Variants in RBPJ observed in about 807,000 individuals in gnomAD.
The protein encoded by RBPJ is recombination signal binding protein for immunoglobulin kappa J region.
A neutral mutation model predicts 67.8 loss-of-function variants in RBPJ; 9 were observed. That is an observed-to-expected ratio of 0.13 (90% CI 0.08 to 0.23). The LOEUF (loss-of-function observed/expected upper bound fraction) is 0.23. Among genes scored for constraint, RBPJ ranks in the 10% least tolerant of loss-of-function variants. The pLI is 1.00. For synonymous variants in RBPJ, 198 were observed against 203.3 expected, an observed-to-expected ratio of 0.97 and a Z score of 0.22; for missense variants, 305 against 595.6, an observed-to-expected ratio of 0.51 and a Z score of 5.08.
intron 1 of RBPJ, among the ~76,000 whole-genome samples, chr4:26,243,125 G>A (rs908809680): frequency 6.6e-6 from 1 of 152,158 alleles, no homozygotes; most frequent in Non-Finnish European, 1.5e-5. Flanking sequence ...TACTCGGGAG[G>A]CTGAGGCAGG....
At chr4:26,108,569 C>T in the RBPJ span, among the ~76,000 whole-genome samples, 1 of 152,228 alleles carries the variant, frequency 6.6e-6, no homozygotes, top group Non-Finnish European at 1.5e-5. Flanking sequence ...GTTTGCCTGA[C>T]TCTCTGCATT....
intron 1 of RBPJ, among the ~76,000 whole-genome samples, chr4:26,366,891 C>T (rs562279179): frequency 1.8e-4 from 28 of 151,560 alleles, no homozygotes; most frequent in Non-Finnish European, 2.7e-4. Context: ...TTTGGGAGTC[C>T]GAGGCAGGTG....
chr4:26,241,714 G>A (rs1179705513), intron 1 of RBPJ, among the ~76,000 whole-genome samples: 2 of 151,954 alleles, frequency 1.3e-5, no homozygotes, highest in Non-Finnish European at 2.9e-5. Context: ...GTTTCGCTAT[G>A]TTGGCCAGGC....
chr4:26,106,014 T>C, the RBPJ span, among the ~76,000 whole-genome samples: 1 of 152,196 alleles, frequency 6.6e-6, no homozygotes, highest in African/African-American at 2.4e-5. Context: ...CAATCTGTGA[T>C]AAATAATAGC....
intron 1 of RBPJ, chr4:26,322,425 G>A (rs1198986480): frequency 2.0e-5 from 3 of 152,062 alleles, no homozygotes; most frequent in Non-Finnish European, 4.4e-5. Context: ...AAAAGGAGAG[G>A]CATTCCGCTT....
Position 26,371,361 on chromosome 4 carries a change from A to G in RBPJ, c.21-14992A>G, listed in dbSNP as rs568656020. On this transcript the variant is annotated intron_variant, in intron 1 of 10. Coordinates refer to ENST00000355476, the MANE Select transcript of RBPJ (RefSeq NM_015874.6). ...ATACAGATTTGTATTTGAGAACTCA[A>G]TATTGTACACACATGAGTCATCTTG... is the stretch of plus-strand genomic sequence containing the variant. Among the ~76,000 whole-genome samples, 4 of 152,342 alleles carry G rather than the reference A, an allele frequency of 2.6e-5. No homozygotes were observed. The South Asian group carries it at 6.2e-4, about 24-fold the overall frequency.
rs995688455 is a variant in RBPJ at position 26,420,440 on chromosome 4, A to G, written c.322-111A>G. On this transcript the variant is annotated intron_variant, in intron 4 of 10. Transcript: ENST00000355476. Reference sequence around the variant, plus strand: ...ATTTTTAGAGTTGGTTTTATCAGCTATCCCTTGGAATTGTTTTACTTATTA... The same window carrying G: ...ATTTTTAGAGTTGGTTTTATCAGCTGTCCCTTGGAATTGTTTTACTTATTA... The G allele has an allele frequency of 1.1e-5, 7 of 618,112 alleles. No homozygotes were observed. The Middle Eastern group carries it at 8.6e-4, about 76-fold the overall frequency. 38.3% of individuals were successfully genotyped at this position (618,112 alleles called of 1,614,324 possible).
intron 1 of RBPJ, among the ~76,000 whole-genome samples, chr4:26,165,185 T>C (rs981567619): frequency 2.0e-5 from 3 of 152,234 alleles, no homozygotes; most frequent in Non-Finnish European, 4.4e-5. Flanking sequence ...TTACCTCTTA[T>C]ATATGATAAA....
At chr4:26,127,811 T>G in the RBPJ span, among the ~76,000 whole-genome samples, 1 of 152,220 alleles carries the variant, frequency 6.6e-6, no homozygotes, top group Non-Finnish European at 1.5e-5. Flanking sequence ...TAAATCATTG[T>G]GGCCCTAAAG....
At chr4:26,295,408 CAGT>C (rs907447244) in intron 1 of RBPJ, among the ~76,000 whole-genome samples, 7 of 152,086 alleles carry the variant, frequency 4.6e-5, no homozygotes, top group African/African-American at 1.7e-4. Context: ...GTAGTTGTTG[CAGT>C]AGTAGTAGTA....
intron 1 of RBPJ, among the ~76,000 whole-genome samples, chr4:26,223,632 TG>T (rs1228858980): frequency 3.3e-5 from 5 of 152,250 alleles, no homozygotes; most frequent in Admixed American, 2.6e-4. Flanking sequence ...ATAGCTGGGC[TG>T]GCTGACCAAG....
chr4:26,371,677 C>T (rs1159760506), intron 1 of RBPJ, among the ~76,000 whole-genome samples: 1 of 152,172 alleles, frequency 6.6e-6, no homozygotes, highest in African/African-American at 2.4e-5. Flanking sequence ...TATGCTATTG[C>T]TTCATATTCT....
the RBPJ span, among the ~76,000 whole-genome samples, chr4:26,133,951 T>C: frequency 2.6e-5 from 4 of 152,178 alleles, no homozygotes; most frequent in Non-Finnish European, 5.9e-5. Context: ...TTCTCTACCC[T>C]AGCTCTCCAA....
At chr4:26,359,351 T>G (rs1727759107) in intron 1 of RBPJ, among the ~76,000 whole-genome samples, 1 of 151,996 alleles carries the variant, frequency 6.6e-6, no homozygotes, top group Admixed American at 6.6e-5. Flanking sequence ...TCCCCTGTGT[T>G]GGAAAGAAAT....
chr4:26,287,531 T>C (rs1313753934), intron 1 of RBPJ, among the ~76,000 whole-genome samples: 1 of 139,662 alleles, frequency 7.2e-6, no homozygotes, highest in Non-Finnish European at 1.5e-5. Flanking sequence ...CCAGCTTGGC[T>C]GACAAAGTGA....
chr4:26,181,371 A>G (rs1716985577), intron 1 of RBPJ, among the ~76,000 whole-genome samples: 1 of 152,224 alleles, frequency 6.6e-6, no homozygotes, highest in African/African-American at 2.4e-5. Context: ...AGAAGACCGC[A>G]TTCAGAACAC....
At chr4:26,378,530 T>G (rs1398426335) in intron 1 of RBPJ, among the ~76,000 whole-genome samples, 1 of 152,196 alleles carries the variant, frequency 6.6e-6, no homozygotes, top group Non-Finnish European at 1.5e-5. Context: ...AGACATTAAC[T>G]AAACCTGGAA....
At chr4:26,123,604 CATA>C in the RBPJ span, among the ~76,000 whole-genome samples, 3 of 152,114 alleles carry the variant, frequency 2.0e-5, no homozygotes, top group Admixed American at 6.5e-5. Flanking sequence ...CTTTTTGACT[CATA>C]ATAACACAGC....
Position 26,215,855 on chromosome 4 carries a change from G to A in RBPJ, c.-167+52241G>A, listed in dbSNP as rs141590144. ...CCAGTCTCTGGATTGAATTTGTTCA[G>A]TGCCGGGCAGCACATTGGGGGTGAG... On this transcript the variant is annotated intron_variant, in intron 1 of 4. Transcript: ENST00000512351. Among the ~76,000 whole-genome samples, 222 of 151,940 alleles carry A rather than the reference G, an allele frequency of 1.5e-3. 2 individuals are homozygous for A. Among genetic ancestry groups the A allele is most frequent in the African/African-American group, 5.1e-3 (212 of 41,252 alleles).
Sources: allele counts gnomAD v4.1 joint callset (sites outside exome capture counted in the v4.1 genomes callset), GRCh38; gene constraint gnomAD v4.1.1; transcripts MANE v1.5; gene names NCBI Gene and HGNC (gene_info 2026-07-23, HGNC 2026-07-21).